Variants in MTCL3 observed in about 807,000 individuals in gnomAD.
The protein encoded by MTCL3 is MTCL family member 3, also known as microtubule cross-linking factor 3.
chr6:127,517,304 T>C, the MTCL3 span, among the ~76,000 whole-genome samples: 2 of 152,160 alleles, frequency 1.3e-5, no homozygotes, highest in Non-Finnish European at 2.9e-5. Flanking sequence ...TCCTTTATAA[T>C]AGAACTAAAA....
chr6:127,511,098 G>A, the MTCL3 span, among the ~76,000 whole-genome samples: 1 of 152,194 alleles, frequency 6.6e-6, no homozygotes, highest in Non-Finnish European at 1.5e-5. Flanking sequence ...GAAACAGAGA[G>A]CTACAGGGAG....
At chr6:127,510,116 G>A in the MTCL3 span, among the ~76,000 whole-genome samples, 4 of 151,172 alleles carry the variant, frequency 2.6e-5, no homozygotes, top group South Asian at 2.1e-4. Flanking sequence ...TTCTCAAATC[G>A]TGAATGCCAT....
At chr6:127,478,677 A>T in the MTCL3 span, among the ~76,000 whole-genome samples, 1 of 152,054 alleles carries the variant, frequency 6.6e-6, no homozygotes, top group Non-Finnish European at 1.5e-5. Flanking sequence ...GTGATGGTTG[A>T]ACCTATCATA....
chr6:127,483,118 G>GA, the MTCL3 span: 65 of 638,366 alleles, frequency 1.0e-4, no homozygotes, highest in South Asian at 2.6e-4. Flanking sequence ...ATAAAAGGAG[G>GA]AAAAAAAATC....
At chr6:127,515,443 G>A in the MTCL3 span, 3 of 1,350,438 alleles carry the variant, frequency 2.2e-6, no homozygotes, top group Non-Finnish European at 2.9e-6. The surrounding 1 kb of genome is among the most constrained non-coding windows in gnomAD (Gnocchi z 4.3). Flanking sequence ...TCTGATCCCT[G>A]CCGGTACACG....
the MTCL3 span, among the ~76,000 whole-genome samples, chr6:127,493,857 C>T: frequency 6.6e-6 from 1 of 152,032 alleles, no homozygotes; most frequent in East Asian, 1.9e-4. Flanking sequence ...TTTCCTTTTC[C>T]TAGTTCCTCT....
the MTCL3 span, chr6:127,475,228 C>T: frequency 2.7e-6 from 4 of 1,505,970 alleles, no homozygotes; most frequent in African/African-American, 1.4e-5. This position sits in a 1 kb window ranked among gnomAD's most constrained non-coding sequence, Gnocchi z 7.3. Context: ...CGAGACGCCC[C>T]CCAGGGACGC....
the MTCL3 span, chr6:127,475,774 C>T: frequency 6.2e-7 from 1 of 1,608,852 alleles, no homozygotes; most frequent in Non-Finnish European, 8.5e-7. The surrounding 1 kb of genome is among the most constrained non-coding windows in gnomAD (Gnocchi z 7.3). Context: ...CTCGGCGTCG[C>T]TGTCGCGGGG....
chr6:127,500,228 G>A, the MTCL3 span, among the ~76,000 whole-genome samples: 1 of 152,044 alleles, frequency 6.6e-6, no homozygotes, highest in Admixed American at 6.6e-5. Context: ...ACCTACAAAG[G>A]AATAAAAGTC....
the MTCL3 span, among the ~76,000 whole-genome samples, chr6:127,497,203 T>C: frequency 0.068 from 10,309 of 152,248 alleles, 1,431 homozygotes; most frequent in East Asian, 0.64. Flanking sequence ...AACAAAGTTA[T>C]TTAAAAAATC....
At chr6:127,473,513 A>G in the MTCL3 span, 2 of 629,154 alleles carry the variant, frequency 3.2e-6, no homozygotes, top group African/African-American at 2.0e-5. Flanking sequence ...CCCTCCCTTA[A>G]GCCTATATCT....
chr6:127,488,791 C>A, the MTCL3 span, among the ~76,000 whole-genome samples: 2 of 152,186 alleles, frequency 1.3e-5, no homozygotes, highest in Non-Finnish European at 2.9e-5. Flanking sequence ...CCCTCTGTAT[C>A]TACAGGTTTC....
At chr6:127,509,953 A>G in the MTCL3 span, among the ~76,000 whole-genome samples, 9 of 152,196 alleles carry the variant, frequency 5.9e-5, no homozygotes, top group Non-Finnish European at 1.3e-4. Context: ...TCTGAACACT[A>G]TGAAGGTCAA....
At chr6:127,518,481 C>T in the MTCL3 span, 1 of 152,272 alleles carries the variant, frequency 6.6e-6, no homozygotes, top group Non-Finnish European at 1.5e-5. Context: ...CCAACCCCTG[C>T]ACGGCTTAGA....
the MTCL3 span, chr6:127,481,459 C>T: frequency 1.0e-6 from 1 of 985,218 alleles, no homozygotes; most frequent in Non-Finnish European, 1.2e-6. Flanking sequence ...GAGGTCCATA[C>T]ATGTTCTGGT....
At chr6:127,473,463 A>T in the MTCL3 span, 1 of 1,203,088 alleles carries the variant, frequency 8.3e-7, no homozygotes, top group South Asian at 1.6e-5. Flanking sequence ...ATTCACATCA[A>T]CAAATTTAAG....
the MTCL3 span, among the ~76,000 whole-genome samples, chr6:127,491,734 A>C: frequency 6.6e-6 from 1 of 151,986 alleles, no homozygotes; most frequent in African/African-American, 2.4e-5. Flanking sequence ...TTAGCCAGGC[A>C]TGGTGGCATG....
At chr6:127,474,248 A>T in the MTCL3 span, among the ~76,000 whole-genome samples, 1 of 151,884 alleles carries the variant, frequency 6.6e-6, no homozygotes, top group Admixed American at 6.6e-5. Context: ...ATTTACCAGT[A>T]GTTATCCATC....
At chr6:127,514,932 C>T in the MTCL3 span, 1 of 1,614,192 alleles carries the variant, frequency 6.2e-7, no homozygotes, top group Non-Finnish European at 8.5e-7. Context: ...CAGGATCCGG[C>T]AGTTTTTGTT....
Sources: gnomAD v4.1 joint callset for allele counts (sites outside exome capture counted in the v4.1 genomes callset) on GRCh38, gnomAD v4.1.1 for gene constraint, Gnocchi (gnomAD v3.1) non-coding constraint, MANE v1.5 for transcripts, NCBI Gene and HGNC (gene_info 2026-07-23, HGNC 2026-07-21) for gene names.